Variants in FMN1 observed in about 807,000 individuals in gnomAD.
FMN1 encodes formin-1.
A neutral mutation model predicts 132.4 loss-of-function variants in FMN1; 110 were observed. That is an observed-to-expected ratio of 0.83 (90% CI 0.71 to 0.97). The LOEUF (loss-of-function observed/expected upper bound fraction) is 0.97, where lower values mean the gene tolerates loss of function less well. Among genes scored for constraint, FMN1 ranks in the 50% least tolerant of loss-of-function variants. FMN1 has a pLI of 0.00. For synonymous variants in FMN1, 722 were observed against 651.7 expected, an observed-to-expected ratio of 1.11 and a Z score of -1.64; for missense variants, 1,792 against 1,705.3, an observed-to-expected ratio of 1.05 and a Z score of -0.90.
chr15:32,958,549 TATACATAC>T (rs34715846), intron 9 of FMN1, among the ~76,000 whole-genome samples: 12,075 of 150,614 alleles, frequency 0.08, 774 homozygotes, highest in African/African-American at 0.18. Flanking sequence ...TTTGAGAAGA[TATACATAC>T]ATACATACAT....
At chr15:33,015,273 T>G (rs567764387) in intron 6 of FMN1, among the ~76,000 whole-genome samples, 1 of 152,290 alleles carries the variant, frequency 6.6e-6, no homozygotes, top group African/African-American at 2.4e-5. Context: ...ACTCGTAAAC[T>G]TGGGGTAACT....
At chr15:33,091,541 G>A (rs1373574213) in intron 4 of FMN1, among the ~76,000 whole-genome samples, 2 of 152,162 alleles carry the variant, frequency 1.3e-5, no homozygotes, top group Non-Finnish European at 2.9e-5. Context: ...ATTTTGGCAA[G>A]AATCATTTGG....
intron 12 of FMN1, among the ~76,000 whole-genome samples, chr15:32,902,297 A>C (rs920562717): frequency 1.3e-5 from 2 of 152,226 alleles, no homozygotes; most frequent in South Asian, 4.1e-4. Flanking sequence ...AAGTTAACAC[A>C]AGTATACTAA....
At chr15:32,839,317 C>A (rs1281046949) in intron 17 of FMN1, among the ~76,000 whole-genome samples, 2 of 152,120 alleles carry the variant, frequency 1.3e-5, no homozygotes, top group East Asian at 3.9e-4. Flanking sequence ...GCGTCAGCAC[C>A]AACCCACCCT....
intron 17 of FMN1, among the ~76,000 whole-genome samples, chr15:32,853,364 T>C (rs1368665946): frequency 6.6e-6 from 1 of 152,210 alleles, no homozygotes; most frequent in East Asian, 1.9e-4. Context: ...GATATTGGGG[T>C]ACATCTTAAG....
chr15:32,800,406 T>A (rs1475232888), intron 18 of FMN1, among the ~76,000 whole-genome samples: 1 of 152,160 alleles, frequency 6.6e-6, no homozygotes, highest in African/African-American at 2.4e-5. Context: ...AAGGGAAGAA[T>A]GTGGCAATGT....
At chr15:33,071,565 C>T (rs1290661477) in intron 5 of FMN1, among the ~76,000 whole-genome samples, 1 of 152,220 alleles carries the variant, frequency 6.6e-6, no homozygotes, top group Non-Finnish European at 1.5e-5. Flanking sequence ...CTCTTGTTTA[C>T]AGACTGTAAC....
chr15:33,012,017 C>G (rs2140964556), intron 6 of FMN1: 1 of 252,668 alleles, frequency 4.0e-6, no homozygotes, highest in South Asian at 5.9e-5. Flanking sequence ...TCTTAACCAA[C>G]AATCCTAACC....
chr15:32,918,903 C>G (rs1196669170), intron 10 of FMN1, among the ~76,000 whole-genome samples: 2 of 151,986 alleles, frequency 1.3e-5, no homozygotes, highest in Non-Finnish European at 2.9e-5. Context: ...TAGGTGGGAG[C>G]CCCGCTGCTT....
At chr15:33,158,008 AAAG>A (rs1964745231) in intron 3 of FMN1, among the ~76,000 whole-genome samples, 1 of 150,172 alleles carries the variant, frequency 6.7e-6, no homozygotes, top group African/African-American at 2.5e-5. Context: ...AAAAAAAAAA[AAAG>A]AAAAAGAAAG....
At chr15:32,918,861 G>A (rs985887315) in intron 10 of FMN1, among the ~76,000 whole-genome samples, 1 of 152,152 alleles carries the variant, frequency 6.6e-6, no homozygotes, top group Non-Finnish European at 1.5e-5. Context: ...TCAGCTCTGC[G>A]AGTGAAGGAA....
rs574210140 is a variant in FMN1, at chr15:32,774,125, C to A, written c.*185G>T. On this transcript the variant is annotated 3_prime_UTR_variant, in exon 21 of 21. Transcript: ENST00000616417. ...CTTAAATAGTTTTCCATTGTTCCTG[C>A]GGCTTAATGAGGGACTTCTTAAAGA... The A allele has an allele frequency of 1.7e-6, 1 of 603,584 alleles. No individual in the cohort carries two copies. The highest frequency in any genetic ancestry group is 2.9e-6 in the Non-Finnish European group (1 of 341,320). The allele number at this position is 603,584 out of a possible 1,614,324, so 37.4% of individuals were successfully genotyped here.
intron 4 of FMN1, among the ~76,000 whole-genome samples, chr15:33,112,436 G>C (rs2039745761): frequency 6.6e-6 from 1 of 152,084 alleles, no homozygotes; most frequent in African/African-American, 2.4e-5. Flanking sequence ...ATTAAGAAAA[G>C]AGGAACTGTT....
At chr15:32,812,015 TAAAC>T (rs71424675) in intron 17 of FMN1, among the ~76,000 whole-genome samples, 91,989 of 150,290 alleles carry the variant, frequency 0.61, 28,420 homozygotes, top group East Asian at 0.85. Context: ...TTATGGACAC[TAAAC>T]AAACAAACAA....
At chr15:32,929,664 A>G (rs1042815183) in intron 9 of FMN1, among the ~76,000 whole-genome samples, 2 of 152,176 alleles carry the variant, frequency 1.3e-5, no homozygotes, top group African/African-American at 2.4e-5. Flanking sequence ...GATACCTCAT[A>G]TAAGTGGAAT....
rs199988791 is a variant in FMN1 at position 32,964,135 on chromosome 15, G to A, written c.3110C>T (p.Thr1037Ile). 1.6e-4 allele frequency: 252 copies of A among 1,612,068 alleles called. No individual in the cohort carries two copies. The highest frequency in any genetic ancestry group is 2.1e-4 in the Non-Finnish European group (244 of 1,179,160). The change falls in exon 9 of 21, where the codon ACT becomes ATT. Residue 1037 changes from threonine to isoleucine, a missense_variant. Transcript: ENST00000616417. The stretch of plus-strand genomic sequence containing the variant: ...TTTGACCTTGTTTTTCTTCTCATAA[G>A]TCTCTGACAGAGGTTTTTTCTTCTG... Reference protein sequence around the residue: ...TQQKKKPLSETYEKKNKVKKI... With the variant: ...TQQKKKPLSEIYEKKNKVKKI...
At position 32,842,271 on chromosome 15, in the gene FMN1, C is replaced by T. The variant is rs1013082334; in HGVS notation, c.3928+14744G>A. 8.5e-5 allele frequency among the ~76,000 whole-genome samples: 13 copies of T among 152,264 alleles called. No homozygotes were observed. In the East Asian group the frequency reaches 1.7e-3, roughly 20 times the overall value. On this transcript the variant is annotated intron_variant, in intron 17 of 20. Coordinates refer to ENST00000616417, the MANE Select transcript of FMN1 (RefSeq NM_001277313.2). ...GCGCAAGCCATGTGGAGTGACTGCA[C>T]GGGCTCTCAGAGATGCCCAGCCAAG... is the stretch of plus-strand genomic sequence containing the variant.
At position 33,064,734 on chromosome 15, in the gene FMN1, T is replaced by G. The variant is rs2306278; in HGVS notation, c.2161+223A>C. 0.33 allele frequency: 117,598 copies of G among 355,018 alleles called. 20,487 individuals are homozygous for G. Among genetic ancestry groups the G allele is most frequent in the Admixed American group, 0.38 (7,929 of 20,928 alleles). 22.0% of individuals were successfully genotyped at this position (355,018 alleles called of 1,614,324 possible). A position where few individuals can be genotyped will look rare whatever the true frequency, so the allele number is the denominator to read the frequency against. On this transcript the variant is annotated intron_variant, in intron 6 of 20. Transcript: ENST00000616417. ...CAAGGTTCTCCTACTTCACACACATTCCCCCTTTCATTCATTCCACTGCAT... is the reference window on the plus strand; with the variant it reads ...CAAGGTTCTCCTACTTCACACACATGCCCCCTTTCATTCATTCCACTGCAT...
At chr15:32,791,232 C>G (rs1048373879) in intron 19 of FMN1, among the ~76,000 whole-genome samples, 13 of 140,010 alleles carry the variant, frequency 9.3e-5, no homozygotes, top group Non-Finnish European at 2.0e-4. Context: ...ATATGAAGTT[C>G]TTGAAAGAAC....
Sources: allele counts gnomAD v4.1 joint callset (sites outside exome capture counted in the v4.1 genomes callset), GRCh38; gene constraint gnomAD v4.1.1; transcripts MANE v1.5; gene names NCBI Gene and HGNC (gene_info 2026-07-23, HGNC 2026-07-21).